Variants in PPM1B observed in about 807,000 individuals in gnomAD.
PPM1B encodes the protein protein phosphatase, Mg2+/Mn2+ dependent 1B, also known as protein phosphatase 1B.
In PPM1B, 22 loss-of-function variants were observed where a neutral mutation model predicts 43.0. The ratio of observed to expected loss-of-function variants is 0.51; its 90% CI spans 0.37 to 0.73. PPM1B has a LOEUF of 0.73. Ranked by LOEUF, PPM1B falls within the 30% of genes least tolerant of loss-of-function variation. The probability of loss-of-function intolerance (pLI) is 0.00; values close to 1 mark genes in which losing one functional copy is unlikely to be tolerated. For synonymous variants in PPM1B, 217 were observed against 197.9 expected, an observed-to-expected ratio of 1.10 and a Z score of -0.81; for missense variants, 632 against 584.2, an observed-to-expected ratio of 1.08 and a Z score of -0.84.
downstream of PPM1B, chr2:44,232,168 C>A: frequency 8.4e-7 from 1 of 1,191,912 alleles, no homozygotes; most frequent in Non-Finnish European, 1.2e-6. Flanking sequence ...ACACAATATG[C>A]AATACACAAC....
At chr2:44,170,030 T>TA (rs1667252031) in intron 1 of PPM1B, among the ~76,000 whole-genome samples, 1 of 152,216 alleles carries the variant, frequency 6.6e-6, no homozygotes, top group African/African-American at 2.4e-5. Flanking sequence ...TTATTAAACG[T>TA]AAAGTGTGAA....
At chr2:44,178,374 C>A (rs747043687) in intron 1 of PPM1B, among the ~76,000 whole-genome samples, 2 of 150,496 alleles carry the variant, frequency 1.3e-5, no homozygotes, top group African/African-American at 4.9e-5. Context: ...ATCTTATAGC[C>A]CTAACTAGAT....
chr2:44,184,915 T>A (rs527903978), intron 1 of PPM1B, among the ~76,000 whole-genome samples: 1 of 150,928 alleles, frequency 6.6e-6, no homozygotes, highest in Admixed American at 6.7e-5. Flanking sequence ...GCAGGTATCT[T>A]AAAATATTAT....
rs370398964 is a variant in PPM1B, at chr2:44,214,829, G to A, written c.965-3138G>A. On this transcript the variant is annotated intron_variant, in intron 3 of 5. Transcript: ENST00000282412. The stretch of plus-strand genomic sequence containing the variant: ...TCAGAAAGAACTCAAGAGTCTTGCT[G>A]AAGGTTTGGTCCAAGCAAAGAGTTT... 9.2e-5 allele frequency among the ~76,000 whole-genome samples: 14 copies of A among 152,304 alleles called. No homozygotes were observed. The South Asian group carries it at 2.9e-3, about 32-fold the overall frequency.
chr2:44,170,331 T>A (rs938320710), intron 1 of PPM1B, among the ~76,000 whole-genome samples: 53 of 152,242 alleles, frequency 3.5e-4, no homozygotes, highest in Non-Finnish European at 2.9e-5. Flanking sequence ...AGGCTCCACA[T>A]GTTTAATGTA....
chr2:44,179,969 A>G (rs1329202785), intron 1 of PPM1B, among the ~76,000 whole-genome samples: 2 of 148,896 alleles, frequency 1.3e-5, no homozygotes, highest in Non-Finnish European at 3.0e-5. Context: ...AGATCCTACC[A>G]TTGCACCACA....
chr2:44,187,222 A>G (rs1668167870), intron 1 of PPM1B, among the ~76,000 whole-genome samples: 1 of 152,202 alleles, frequency 6.6e-6, no homozygotes, highest in Non-Finnish European at 1.5e-5. Context: ...TCCATGTTGT[A>G]GCATGTGACG....
intron 1 of PPM1B, among the ~76,000 whole-genome samples, chr2:44,200,587 TAAAAC>T (rs1168077430): frequency 6.6e-5 from 10 of 152,220 alleles, no homozygotes; most frequent in Admixed American, 5.9e-4. Flanking sequence ...GTAAAAGTGA[TAAAAC>T]CAAATGTGTG....
chr2:44,230,079 C>T, intron 5 of PPM1B: 2 of 1,534,164 alleles, frequency 1.3e-6, no homozygotes, highest in Non-Finnish European at 8.7e-7. Flanking sequence ...TGTACTAAAT[C>T]ATATAGCCAA....
In PPM1B at chr2:44,168,894, T is replaced by G. The variant is rs1264674107; in HGVS notation, c.-395T>G. The G allele has an allele frequency of 6.5e-6, 1 of 153,044 alleles. No individual in the cohort carries two copies. The highest frequency in any genetic ancestry group is 1.5e-5 in the Non-Finnish European group (1 of 68,188). 9.5% of individuals were successfully genotyped at this position (153,044 alleles called of 1,614,324 possible). On this transcript the variant is annotated 5_prime_UTR_variant, in exon 1 of 6. Coordinates refer to ENST00000282412, the MANE Select transcript of PPM1B (RefSeq NM_002706.6). ...GGGGTTGCAAAAGGAGCCGAGCGGC[T>G]TCTGCTCAATGGCGGAAAAGCCGCC...
intron 1 of PPM1B, among the ~76,000 whole-genome samples, chr2:44,173,448 G>A (rs1667444359): frequency 2.0e-5 from 3 of 151,226 alleles, no homozygotes; most frequent in African/African-American, 7.3e-5. Flanking sequence ...ATACTTCGTA[G>A]TTTTCCTTCA....
chr2:44,197,742 C>T (rs891584255), intron 1 of PPM1B, among the ~76,000 whole-genome samples: 1 of 152,140 alleles, frequency 6.6e-6, no homozygotes, highest in African/African-American at 2.4e-5. Context: ...GTTGTGTTGT[C>T]TGGATACCCT....
rs540348671 is a variant in PPM1B, at chr2:44,225,972, A to G, written c.1135-4441A>G. Among the ~76,000 whole-genome samples, 338 of 142,688 alleles carry G rather than the reference A, an allele frequency of 2.4e-3. 3 individuals are homozygous for G. Among genetic ancestry groups the G allele is most frequent in the African/African-American group, 8.6e-3 (323 of 37,490 alleles). The allele number at this position is 142,688 out of a possible 152,430, so 93.6% of individuals were successfully genotyped here. A position where few individuals can be genotyped will look rare whatever the true frequency, so the allele number is the denominator to read the frequency against. On this transcript the variant is annotated intron_variant, in intron 5 of 5. Transcript: ENST00000282412. ...TGCCTGGCTATGGTTTGGTTTTAGT[A>G]TGTCTTTTTTTTTTTTTTTTTGAGA...
Position 44,230,998 on chromosome 2 carries a change from A to G in PPM1B, c.*280A>G. 1 of 1,009,900 alleles carries G rather than the reference A, an allele frequency of 9.9e-7. No individual in the cohort carries two copies. The highest frequency in any genetic ancestry group is 1.2e-6 in the Non-Finnish European group (1 of 826,598). The allele number at this position is 1,009,900 out of a possible 1,614,324, so 62.6% of individuals were successfully genotyped here. A position where few individuals can be genotyped will look rare whatever the true frequency, so the allele number is the denominator to read the frequency against. ...ATGAATTAAAGTCAGTAGTTAAATTAATACTAGATAGAATTAGAAATTTTG... is the reference window on the plus strand; with the variant it reads ...ATGAATTAAAGTCAGTAGTTAAATTGATACTAGATAGAATTAGAAATTTTG... On this transcript the variant is annotated 3_prime_UTR_variant, in exon 6 of 6. Transcript: ENST00000282412.
At chr2:44,170,925 T>G (rs983888885) in intron 1 of PPM1B, among the ~76,000 whole-genome samples, 2 of 152,204 alleles carry the variant, frequency 1.3e-5, no homozygotes, top group African/African-American at 2.4e-5. Context: ...ATTTTGTGCT[T>G]CTTCTCTCAA....
intron 1 of PPM1B, among the ~76,000 whole-genome samples, chr2:44,173,229 A>G (rs1667433705): frequency 6.6e-6 from 1 of 152,222 alleles, no homozygotes; most frequent in South Asian, 2.1e-4. Flanking sequence ...GGTGAAAAGA[A>G]CCCTTTACTA....
chr2:44,197,039 A>G (rs187311017), intron 1 of PPM1B, among the ~76,000 whole-genome samples: 8 of 152,354 alleles, frequency 5.3e-5, no homozygotes, highest in Admixed American at 3.9e-4. Context: ...TAATGTTGAA[A>G]TAATTTCAGA....
At chr2:44,176,639 G>A (rs1429427105) in intron 1 of PPM1B, among the ~76,000 whole-genome samples, 1 of 152,114 alleles carries the variant, frequency 6.6e-6, no homozygotes, top group Non-Finnish European at 1.5e-5. Context: ...AACCAGTTTG[G>A]TAAAGAGGCC....
intron 5 of PPM1B, chr2:44,229,974 G>A: frequency 6.4e-7 from 1 of 1,555,744 alleles, no homozygotes. Context: ...TTTATGTTTT[G>A]TATTTCCTAC....
Sources: gnomAD v4.1 joint callset for allele counts (sites outside exome capture counted in the v4.1 genomes callset) on GRCh38, gnomAD v4.1.1 for gene constraint, MANE v1.5 for transcripts, NCBI Gene and HGNC (gene_info 2026-07-23, HGNC 2026-07-21) for gene names.